The following HIVEP3 variants were observed in gnomAD, a reference collection of about 807,000 sequenced individuals.
The protein encoded by HIVEP3 is transcription factor HIVEP3.
HIVEP3 carries 49 observed loss-of-function variants against 152.8 expected under a neutral mutation model. That is an observed-to-expected ratio of 0.32 (90% confidence interval 0.26 to 0.41). HIVEP3 has a LOEUF of 0.41. HIVEP3 is among the 10% of genes least tolerant of loss of function. The pLI, the probability that HIVEP3 is intolerant of heterozygous loss-of-function variation, is 1.00. For missense variants in HIVEP3, 2,790 were observed against 3,103.3 expected, an observed-to-expected ratio of 0.90 and a Z score of 2.40; for synonymous variants, 1,269 against 1,289.0, an observed-to-expected ratio of 0.98 and a Z score of 0.33.
At chr1:41,959,280 CAAT>C (rs1259022105) in intron 1 of HIVEP3, among the ~76,000 whole-genome samples, 1 of 152,188 alleles carries the variant, frequency 6.6e-6, no homozygotes, top group African/African-American at 2.4e-5. Context: ...CTGAAAAGGA[CAAT>C]ATTTTATCGT....
intron 1 of HIVEP3, among the ~76,000 whole-genome samples, chr1:41,909,260 C>T (rs1644760974): frequency 6.6e-6 from 1 of 152,034 alleles, no homozygotes; most frequent in South Asian, 2.1e-4. Context: ...CACCAACAGA[C>T]CCTCAATAAA....
intron 1 of HIVEP3, among the ~76,000 whole-genome samples, chr1:41,990,394 GA>G (rs1316345676): frequency 6.6e-6 from 1 of 151,636 alleles, no homozygotes; most frequent in Non-Finnish European, 1.5e-5. Flanking sequence ...AAGATCAAAA[GA>G]GACAAAGAAG....
At chr1:41,814,025 G>A (rs765539267) in intron 1 of HIVEP3, among the ~76,000 whole-genome samples, 3 of 152,112 alleles carry the variant, frequency 2.0e-5, no homozygotes, top group Non-Finnish European at 4.4e-5. Context: ...ACCCCTACAC[G>A]GTCCATCCTC....
At chr1:41,895,065 T>A (rs1475226505) in intron 1 of HIVEP3, among the ~76,000 whole-genome samples, 1 of 150,532 alleles carries the variant, frequency 6.6e-6, no homozygotes, top group Non-Finnish European at 1.5e-5. Flanking sequence ...AGTAAGGAAG[T>A]CATAAGATAA....
rs1347574763 is a variant in HIVEP3, at chr1:41,774,731, CAT to C, written c.-800-73738_-800-73737del. Among the ~76,000 whole-genome samples the C allele has an allele frequency of 2.0e-5, 3 of 151,880 alleles. No homozygotes were observed. The South Asian group carries it at 6.2e-4, about 32-fold the overall frequency. On this transcript the variant is annotated intron_variant, in intron 1 of 8. Transcript: ENST00000372583. ...TAGGATCACTGCTTCTAATTAAAGTCATGTGTGAATTTTCACTTAAGTTTTCA... is the reference window on the plus strand; with the variant it reads ...TAGGATCACTGCTTCTAATTAAAGTCGTGTGAATTTTCACTTAAGTTTTCA...
intron 2 of HIVEP3, among the ~76,000 whole-genome samples, chr1:41,652,093 G>A (rs1047028803): frequency 6.6e-6 from 1 of 152,184 alleles, no homozygotes; most frequent in Admixed American, 6.5e-5. Flanking sequence ...AGCAGTCCAT[G>A]TTTATAGCCA....
chr1:41,730,049 C>T (rs570946114), intron 1 of HIVEP3, among the ~76,000 whole-genome samples: 2 of 152,308 alleles, frequency 1.3e-5, no homozygotes, highest in African/African-American at 2.4e-5. Flanking sequence ...CGGGGTTGAG[C>T]GTGTTTAACC....
chr1:41,866,724 C>T (rs563029379), intron 1 of HIVEP3, among the ~76,000 whole-genome samples: 16 of 152,348 alleles, frequency 1.1e-4, no homozygotes, highest in African/African-American at 3.6e-4. Context: ...CACATCCGAC[C>T]ATCAGGCACT....
chr1:41,750,223 A>G (rs1647138114), intron 1 of HIVEP3, among the ~76,000 whole-genome samples: 1 of 152,188 alleles, frequency 6.6e-6, no homozygotes, highest in Admixed American at 6.5e-5. Flanking sequence ...CAAATTAATA[A>G]ACCTACAACA....
intron 1 of HIVEP3, among the ~76,000 whole-genome samples, chr1:41,797,062 T>C (rs1277018118): frequency 6.6e-6 from 1 of 152,222 alleles, no homozygotes; most frequent in Non-Finnish European, 1.5e-5. Context: ...AGCCCCTTTC[T>C]TTCTCACTCA....
At chr1:41,912,144 T>C (rs572225852) in intron 1 of HIVEP3, among the ~76,000 whole-genome samples, 1 of 152,128 alleles carries the variant, frequency 6.6e-6, no homozygotes, top group African/African-American at 2.4e-5. Flanking sequence ...CATAGGGGAA[T>C]AAAAGGTACA....
chr1:41,563,971 A>G (rs1052266695), intron 5 of HIVEP3, among the ~76,000 whole-genome samples: 1 of 152,194 alleles, frequency 6.6e-6, no homozygotes, highest in African/African-American at 2.4e-5. Context: ...AAGAGGGCAG[A>G]TCATGAGGTC....
intron 1 of HIVEP3, among the ~76,000 whole-genome samples, chr1:41,707,362 T>C (rs1356253271): frequency 6.6e-6 from 1 of 152,158 alleles, no homozygotes; most frequent in Non-Finnish European, 1.5e-5. Flanking sequence ...CAAGATTTCG[T>C]TGTGAAAATT....
At chr1:41,675,260 C>T (rs553485389) in intron 2 of HIVEP3, among the ~76,000 whole-genome samples, 84 of 152,278 alleles carry the variant, frequency 5.5e-4, no homozygotes, top group African/African-American at 1.9e-3. Flanking sequence ...ATCTCCCCCT[C>T]GATCCACCTG....
intron 3 of HIVEP3, among the ~76,000 whole-genome samples, chr1:41,586,319 T>C (rs560869673): frequency 1.3e-5 from 2 of 152,314 alleles, no homozygotes; most frequent in South Asian, 4.1e-4. Flanking sequence ...ATCCCAAGGC[T>C]GGAGTCACCA....
intron 1 of HIVEP3, among the ~76,000 whole-genome samples, chr1:41,786,882 G>T (rs1460768929): frequency 6.6e-6 from 1 of 151,654 alleles, no homozygotes; most frequent in Non-Finnish European, 1.5e-5. Context: ...CTCCCCGGTA[G>T]CTAGGATTAC....
At chr1:41,526,451 C>T (rs373450587) in intron 5 of HIVEP3, among the ~76,000 whole-genome samples, 142 of 144,328 alleles carry the variant, frequency 9.8e-4, no homozygotes, top group African/African-American at 3.1e-3. Flanking sequence ...CACCCTCACA[C>T]ACATGCTCAC....
chr1:41,511,004 C>T lies in HIVEP3; in HGVS notation c.6668G>A (p.Ser2223Asn), dbSNP rs1277500090. 6.2e-7 allele frequency: 1 copy of T among 1,613,492 alleles called. No homozygotes were observed. Among genetic ancestry groups the T allele is most frequent in the Middle Eastern group, 1.7e-4 (1 of 6,060 alleles). ...GTCGCTGCCACCCCCGGAGAAGCCA[C>T]TGACCCAGGCTGCGGTGGGCCCTGG... ...LLPGPTAAWV[S>N]GFSGGGSDLT... Residue 2223 changes from serine to asparagine, a missense_variant, in exon 9 of 9, where the codon AGT (serine) becomes AAT (asparagine). By Grantham distance (46) the Ser-to-Asn change is conservative. Transcript: ENST00000372583. This position sits in a 1 kb window ranked among gnomAD's most constrained non-coding sequence, Gnocchi z 4.9.
At chr1:42,024,673 A>G (rs1645572599) in intron 1 of HIVEP3, among the ~76,000 whole-genome samples, 1 of 152,210 alleles carries the variant, frequency 6.6e-6, no homozygotes, top group Admixed American at 6.5e-5. Context: ...ATTCACCCAC[A>G]TGGTGATCTC....
Sources: allele counts gnomAD v4.1 joint callset (sites outside exome capture counted in the v4.1 genomes callset), GRCh38; gene constraint gnomAD v4.1.1; non-coding constraint Gnocchi (gnomAD v3.1); transcripts MANE v1.5; gene names NCBI Gene and HGNC (gene_info 2026-07-23, HGNC 2026-07-21).